FNIP1: variants seen among roughly 807,000 people sequenced by gnomAD.
FNIP1 encodes folliculin interacting protein 1.
In FNIP1, 40 loss-of-function variants were observed where a neutral mutation model predicts 124.5. The observed-to-expected ratio is 0.32, with a 90% CI of 0.25 to 0.42. FNIP1 has a LOEUF of 0.42. Ranked by LOEUF, FNIP1 falls within the 10% of genes least tolerant of loss-of-function variation. FNIP1 has a pLI of 1.00. For missense variants in FNIP1, 1,176 were observed against 1,403.7 expected, an observed-to-expected ratio of 0.84 and a Z score of 2.59; for synonymous variants, 472 against 470.6, an observed-to-expected ratio of 1.00 and a Z score of -0.04.
intron 1 of FNIP1, among the ~76,000 whole-genome samples, chr5:131,748,545 A>T (rs541529592): frequency 6.6e-6 from 1 of 151,756 alleles, no homozygotes; most frequent in African/African-American, 2.4e-5. Context: ...TACAAAACAA[A>T]AATTAGCCAG....
intron 1 of FNIP1, among the ~76,000 whole-genome samples, chr5:131,781,819 C>T (rs760302539): frequency 6.6e-6 from 1 of 151,844 alleles, no homozygotes; most frequent in Non-Finnish European, 1.5e-5. Context: ...ACTTTCAAGT[C>T]TTACTAATTA....
intron 1 of FNIP1, among the ~76,000 whole-genome samples, chr5:131,769,902 G>A (rs1771570861): frequency 1.3e-5 from 2 of 152,144 alleles, no homozygotes; most frequent in South Asian, 4.1e-4. Flanking sequence ...GTGCTGTCCT[G>A]GCAGCTAGTG....
intron 15 of FNIP1, among the ~76,000 whole-genome samples, chr5:131,669,473 C>T (rs536793184): frequency 6.6e-6 from 1 of 151,936 alleles, no homozygotes; most frequent in South Asian, 2.1e-4. Context: ...AAATTATATA[C>T]CATGACAGAG....
At chr5:131,691,980 T>C (rs1468374134) in intron 11 of FNIP1, among the ~76,000 whole-genome samples, 3 of 151,918 alleles carry the variant, frequency 2.0e-5, no homozygotes, top group Non-Finnish European at 2.9e-5. Flanking sequence ...CTCACAACTC[T>C]CATTCAATAT....
At chr5:131,775,660 T>C (rs1443314604) in intron 1 of FNIP1, among the ~76,000 whole-genome samples, 1 of 151,556 alleles carries the variant, frequency 6.6e-6, no homozygotes, top group Non-Finnish European at 1.5e-5. Flanking sequence ...CCTGAGTACC[T>C]TGGATTGTAG....
Position 131,775,528 on chromosome 5 carries a change from C to CT in FNIP1, c.92+21301dup, listed in dbSNP as rs1257237137. Reference sequence around the variant, plus strand: ...AATATATATATACATATTATATATACTTTTTTTTTTTTTTTTTGAGAAGGA... The same window carrying CT: ...AATATATATATACATATTATATATACTTTTTTTTTTTTTTTTTTGAGAAGGA... On this transcript the variant is annotated intron_variant, in intron 1 of 17. Coordinates refer to ENST00000510461, the MANE Select transcript of FNIP1 (RefSeq NM_133372.3). Among the ~76,000 whole-genome samples, 873 of 136,234 alleles carry CT rather than the reference C, an allele frequency of 6.4e-3. 9 individuals are homozygous for CT. Among genetic ancestry groups the CT allele is most frequent in the East Asian group, 0.02 (95 of 4,812 alleles). The allele number at this position is 136,234 out of a possible 152,430, so 89.4% of individuals were successfully genotyped here.
intron 1 of FNIP1, among the ~76,000 whole-genome samples, chr5:131,763,715 A>C (rs554434719): frequency 3.9e-4 from 60 of 152,332 alleles, no homozygotes; most frequent in African/African-American, 1.2e-3. Flanking sequence ...GACCCAAACC[A>C]TATCAATATT....
Position 131,720,827 on chromosome 5 carries a change from AGAC to A in FNIP1, c.355-1413_355-1411del, listed in dbSNP as rs535562435. ...AGGTTGGCTATAATCAAAAAAGCAA[AGAC>A]AACAAGTGGTGAGGATGTGGGAAAA... On this transcript the variant is annotated intron_variant, in intron 3 of 17. Transcript: ENST00000510461. Among the ~76,000 whole-genome samples, 48 of 152,362 alleles carry A rather than the reference AGAC, an allele frequency of 3.2e-4. No individual in the cohort carries two copies. In the East Asian group the frequency reaches 8.7e-3, roughly 28 times the overall value.
intron 1 of FNIP1, among the ~76,000 whole-genome samples, chr5:131,767,882 T>C (rs1307870585): frequency 6.6e-6 from 1 of 152,192 alleles, no homozygotes; most frequent in African/African-American, 2.4e-5. Context: ...TTATATCCAA[T>C]TATTTTTCTC....
intron 11 of FNIP1, among the ~76,000 whole-genome samples, chr5:131,680,084 T>C (rs988971956): frequency 1.3e-5 from 2 of 152,212 alleles, no homozygotes; most frequent in Admixed American, 6.5e-5. Context: ...ACTAGCTGTA[T>C]GTGGTTACTG....
chr5:131,789,414 C>T (rs1251576199), intron 1 of FNIP1, among the ~76,000 whole-genome samples: 1 of 152,096 alleles, frequency 6.6e-6, no homozygotes, highest in African/African-American at 2.4e-5. Context: ...ATGAAGCTAG[C>T]TTTTAAGAAC....
intron 1 of FNIP1, 67 bp downstream of exon 1, chr5:131,796,763 C>T: frequency 6.9e-6 from 10 of 1,455,280 alleles, no homozygotes; most frequent in Non-Finnish European, 9.3e-6. Context: ...CCGAAGGCCC[C>T]AACACCCCTG....
At chr5:131,668,412 G>A (rs558767951) in intron 15 of FNIP1, among the ~76,000 whole-genome samples, 2 of 152,258 alleles carry the variant, frequency 1.3e-5, no homozygotes, top group South Asian at 4.1e-4. Flanking sequence ...TTGGCCAGGT[G>A]CGGTGGCTCA....
chr5:131,699,497 G>A (rs867304477), intron 10 of FNIP1, among the ~76,000 whole-genome samples: 94 of 150,448 alleles, frequency 6.2e-4, no homozygotes, highest in African/African-American at 2.3e-3. Flanking sequence ...GGGTTCAAGC[G>A]ATTTTCCTGC....
intron 1 of FNIP1, among the ~76,000 whole-genome samples, chr5:131,784,783 C>T (rs1332695674): frequency 6.6e-6 from 1 of 151,094 alleles, no homozygotes; most frequent in Non-Finnish European, 1.5e-5. Flanking sequence ...GACCACGCCA[C>T]TGCACTCCAG....
Position 131,644,673 on chromosome 5 carries a change from T to G in FNIP1, c.*12A>C. 6.2e-7 allele frequency: 1 copy of G among 1,611,498 alleles called. No individual in the cohort carries two copies. Among genetic ancestry groups the G allele is most frequent in the Non-Finnish European group, 8.5e-7 (1 of 1,177,970 alleles). On this transcript the variant is annotated 3_prime_UTR_variant, in exon 18 of 18. Transcript: ENST00000510461. ...CTATTTTCCCACCAATTTCTAACAA[T>G]TTTTAGGTATATTAAAGGAGTATTT...
intron 1 of FNIP1, among the ~76,000 whole-genome samples, chr5:131,775,684 C>T (rs11750071): frequency 0.64 from 96,124 of 151,242 alleles, 32,585 homozygotes; most frequent in Non-Finnish European, 0.77. Flanking sequence ...TCCGCCACCA[C>T]GTCCGGCTAA....
At chr5:131,652,242 A>G (rs538306328) in intron 15 of FNIP1, among the ~76,000 whole-genome samples, 1 of 152,380 alleles carries the variant, frequency 6.6e-6, no homozygotes, top group Admixed American at 6.5e-5. Context: ...TTAGTCCAGA[A>G]CTTAACTTTC....
intron 13 of FNIP1, 119 bp from the exon 14 acceptor site, chr5:131,673,043 G>GTT: frequency 8.2e-6 from 5 of 611,200 alleles, no homozygotes; most frequent in South Asian, 3.7e-5. Context: ...GGTTTTACTC[G>GTT]TTTTTTTGTT....
Sources: gnomAD v4.1 joint callset for allele counts (sites outside exome capture counted in the v4.1 genomes callset) on GRCh38, gnomAD v4.1.1 for gene constraint, MANE v1.5 for transcripts, NCBI Gene and HGNC (gene_info 2026-07-23, HGNC 2026-07-21) for gene names.